Variants in LRP1B observed in about 807,000 individuals in gnomAD.
The protein encoded by LRP1B is low-density lipoprotein receptor-related protein 1B.
A neutral mutation model predicts 556.6 loss-of-function variants in LRP1B; 217 were observed. That is an observed-to-expected ratio of 0.39 (90% CI 0.35 to 0.44). LRP1B has a LOEUF of 0.44. Ranked by LOEUF, LRP1B falls within the 20% of genes least tolerant of loss-of-function variation. LRP1B has a pLI of 1.00. For missense variants in LRP1B, 5,053 were observed against 5,620.8 expected (o/e 0.90, Z 3.23); for synonymous variants, 2,047 against 1,865.8 (o/e 1.10, Z -2.50).
Position 140,902,972 on chromosome 2 carries a change from T to A in LRP1B, c.3714A>T (p.Ser1238=), listed in dbSNP as rs779786475. Residue 1238 remains serine, a synonymous_variant, in exon 23 of 91, where the codon TCA becomes TCT. Coordinates refer to ENST00000389484, the MANE Select transcript of LRP1B (RefSeq NM_018557.3). The part of the protein sequence containing the change: ...CEQHKHTVKC[S]CYEGWKLDVD... ...CATCCAGCTTCCAACCTTCATAACA[T>A]GAGCACTTGACTGTGTGCTTGTGCT... is the stretch of plus-strand genomic sequence containing the variant. 1 of 1,613,646 alleles carries A rather than the reference T, an allele frequency of 6.2e-7. No homozygotes were observed. Among genetic ancestry groups the A allele is most frequent in the South Asian group, 1.1e-5 (1 of 91,080 alleles).
intron 1 of LRP1B, among the ~76,000 whole-genome samples, chr2:142,098,967 G>A (rs1277660512): frequency 1.3e-5 from 2 of 151,698 alleles, no homozygotes; most frequent in Non-Finnish European, 2.9e-5. Context: ...TTTCTCCTCT[G>A]CACATACAGC....
chr2:142,013,957 T>C (rs1267874526), intron 1 of LRP1B, among the ~76,000 whole-genome samples: 1 of 152,202 alleles, frequency 6.6e-6, no homozygotes, highest in Non-Finnish European at 1.5e-5. Context: ...TATCCTGATA[T>C]CTGCAGAACA....
intron 27 of LRP1B, among the ~76,000 whole-genome samples, chr2:140,852,574 C>A (rs1162537839): frequency 1.3e-5 from 2 of 152,178 alleles, no homozygotes; most frequent in Non-Finnish European, 2.9e-5. Flanking sequence ...CAAACACGTG[C>A]TCTTCTTCAA....
intron 25 of LRP1B, among the ~76,000 whole-genome samples, chr2:140,878,136 T>G (rs1693367743): frequency 6.6e-6 from 1 of 152,154 alleles, no homozygotes; most frequent in African/African-American, 2.4e-5. Flanking sequence ...TACTGATAAT[T>G]GTTTAAGCTA....
chr2:141,359,086 G>A (rs1414395662), intron 3 of LRP1B, among the ~76,000 whole-genome samples: 1 of 151,822 alleles, frequency 6.6e-6, no homozygotes, highest in South Asian at 2.1e-4. Flanking sequence ...AAGAAAATAA[G>A]AATAGCAGCT....
intron 2 of LRP1B, among the ~76,000 whole-genome samples, chr2:141,668,392 CT>C (rs2105407758): frequency 6.6e-6 from 1 of 152,224 alleles, no homozygotes; most frequent in East Asian, 1.9e-4. Flanking sequence ...CAAATGTTGC[CT>C]TTTGGCCCAC....
At chr2:141,986,548 A>G (rs1574563338) in intron 1 of LRP1B, among the ~76,000 whole-genome samples, 1 of 151,946 alleles carries the variant, frequency 6.6e-6, no homozygotes, top group African/African-American at 2.4e-5. Context: ...TTTACATAAA[A>G]TATCATAGAT....
At chr2:141,871,719 G>A (rs1460870968) in intron 1 of LRP1B, among the ~76,000 whole-genome samples, 1 of 151,884 alleles carries the variant, frequency 6.6e-6, no homozygotes, top group South Asian at 2.1e-4. Flanking sequence ...ACTCAAAATA[G>A]ATGAATGCAC....
chr2:140,784,514 T>C (rs1689827083), intron 32 of LRP1B, among the ~76,000 whole-genome samples: 2 of 150,708 alleles, frequency 1.3e-5, no homozygotes, highest in Admixed American at 1.3e-4. Flanking sequence ...TTTAGGAAAA[T>C]GAAGACACAG....
At chr2:141,735,978 G>C (rs1558838218) in intron 2 of LRP1B, among the ~76,000 whole-genome samples, 1 of 152,152 alleles carries the variant, frequency 6.6e-6, no homozygotes, top group Non-Finnish European at 1.5e-5. Context: ...TGAAACAGAT[G>C]ATAGTTATAC....
intron 1 of LRP1B, among the ~76,000 whole-genome samples, chr2:141,914,865 T>G (rs1321728426): frequency 6.6e-6 from 1 of 152,000 alleles, no homozygotes. Flanking sequence ...CGCAAACAAA[T>G]GGAAAAACAT....
At chr2:140,599,977 TATG>T (rs1271428122) in intron 42 of LRP1B, among the ~76,000 whole-genome samples, 2 of 152,162 alleles carry the variant, frequency 1.3e-5, no homozygotes, top group Admixed American at 1.3e-4. Context: ...CATTTACATA[TATG>T]ATGATAAATT....
At chr2:142,036,717 A>T (rs1388798825) in intron 1 of LRP1B, among the ~76,000 whole-genome samples, 1 of 151,684 alleles carries the variant, frequency 6.6e-6, no homozygotes, top group Non-Finnish European at 1.5e-5. Context: ...TTAAATATAG[A>T]GCTTCTAAAT....
At chr2:141,136,943 A>C (rs1480205767) in intron 7 of LRP1B, among the ~76,000 whole-genome samples, 2 of 151,906 alleles carry the variant, frequency 1.3e-5, no homozygotes, top group African/African-American at 4.8e-5. Flanking sequence ...TATAGATACT[A>C]TTTTCCCTCC....
intron 2 of LRP1B, 130 bp from the exon 3 acceptor site, chr2:141,480,663 T>C: frequency 1.1e-6 from 1 of 904,518 alleles, no homozygotes. Flanking sequence ...GTGCTGCTCT[T>C]GTTCTCAGAG....
At chr2:141,048,885 A>G in intron 11 of LRP1B, 101 bp downstream of exon 11, 1 of 866,760 alleles carries the variant, frequency 1.2e-6, no homozygotes, top group East Asian at 2.4e-5. Context: ...AACCAGAAGA[A>G]CTTGAGTTCT....
chr2:140,347,205 G>A (rs1558819185), intron 77 of LRP1B, among the ~76,000 whole-genome samples: 1 of 151,334 alleles, frequency 6.6e-6, no homozygotes, highest in African/African-American at 2.4e-5. Flanking sequence ...TTCTGTTCTG[G>A]GTACTAAAAT....
At chr2:141,683,423 C>T (rs1272209196) in intron 2 of LRP1B, among the ~76,000 whole-genome samples, 1 of 152,026 alleles carries the variant, frequency 6.6e-6, no homozygotes, top group Non-Finnish European at 1.5e-5. Context: ...TTTAAATATG[C>T]TGCTGCTGAG....
intron 26 of LRP1B, 93 bp downstream of exon 26, chr2:140,868,006 T>C (rs2105155262): frequency 2.2e-6 from 3 of 1,370,896 alleles, no homozygotes; most frequent in Non-Finnish European, 2.0e-6. Context: ...TTAATATATG[T>C]ATACATGATA....
Sources: allele counts gnomAD v4.1 joint callset (sites outside exome capture counted in the v4.1 genomes callset), GRCh38; gene constraint gnomAD v4.1.1; transcripts MANE v1.5; gene names NCBI Gene and HGNC (gene_info 2026-07-23, HGNC 2026-07-21).